JAKMIP2: variants seen among roughly 807,000 people sequenced by gnomAD.
The protein encoded by JAKMIP2 is janus kinase and microtubule interacting protein 2.
In JAKMIP2, 25 loss-of-function variants were observed where a neutral mutation model predicts 115.0. The observed-to-expected ratio is 0.22, with a 90% CI of 0.16 to 0.30. The LOEUF is 0.30. Ranked by LOEUF, JAKMIP2 falls within the 10% of genes least tolerant of loss-of-function variation. JAKMIP2 has a pLI of 1.00. For missense variants in JAKMIP2, 642 were observed against 957.6 expected, an observed-to-expected ratio of 0.67 and a Z score of 4.35; for synonymous variants, 334 against 343.6, an observed-to-expected ratio of 0.97 and a Z score of 0.31.
At chr5:147,624,002 T>C (rs1756983297) in intron 16 of JAKMIP2, among the ~76,000 whole-genome samples, 1 of 151,744 alleles carries the variant, frequency 6.6e-6, no homozygotes, top group Non-Finnish European at 1.5e-5. Flanking sequence ...GCCTGGCTAA[T>C]TTTTGTATTT....
intron 7 of JAKMIP2, among the ~76,000 whole-genome samples, chr5:147,642,761 G>A (rs1334268882): frequency 6.6e-6 from 1 of 151,636 alleles, no homozygotes; most frequent in Non-Finnish European, 1.5e-5. Flanking sequence ...GTGTCAATTT[G>A]ATTGGATTGA....
rs1340802691 is a variant in JAKMIP2, at chr5:147,660,782, A to T, written c.627+166T>A. On this transcript the variant is annotated intron_variant, in intron 3 of 21. Transcript: ENST00000616793. Reference sequence around the variant, plus strand: ...TTGGCCTGAGCATATCTCTCGATTGATCTACCTACCTACATACTGATCTAT... The same window carrying T: ...TTGGCCTGAGCATATCTCTCGATTGTTCTACCTACCTACATACTGATCTAT... The T allele has an allele frequency of 4.2e-6, 3 of 722,348 alleles. No individual in the cohort carries two copies. The Admixed American group carries it at 8.5e-5, about 21-fold the overall frequency. 44.7% of individuals were successfully genotyped at this position (722,348 alleles called of 1,614,324 possible). A position where few individuals can be genotyped will look rare whatever the true frequency, so the allele number is the denominator to read the frequency against.
intron 1 of JAKMIP2, among the ~76,000 whole-genome samples, chr5:147,702,439 T>TAGGAAGGA (rs377372312): frequency 7.0e-5 from 6 of 85,684 alleles, no homozygotes; most frequent in Non-Finnish European, 1.0e-4. Context: ...GGAAGGAAGG[T>TAGGAAGGA]AGGAAGGAAG....
In JAKMIP2 at chr5:147,759,541, C is replaced by T. The variant is rs78297553; in HGVS notation, c.-149+22915G>A. Among the ~76,000 whole-genome samples, 573 of 152,176 alleles carry T rather than the reference C, an allele frequency of 3.8e-3. 4 individuals carry two copies. The highest frequency in any genetic ancestry group is 0.013 in the African/African-American group (552 of 41,546). On this transcript the variant is annotated intron_variant, in intron 1 of 21. Coordinates refer to ENST00000616793, the MANE Select transcript of JAKMIP2 (RefSeq NM_001270941.2). ...AACAAACCAACAACTGAATAAAATACCAATCAATGATAAGTGTAATATAGG... is the reference window on the plus strand; with the variant it reads ...AACAAACCAACAACTGAATAAAATATCAATCAATGATAAGTGTAATATAGG...
Position 147,747,182 on chromosome 5 carries a change from A to G in JAKMIP2, c.-149+35274T>C, listed in dbSNP as rs73797168. 7.6e-3 allele frequency among the ~76,000 whole-genome samples: 1,153 copies of G among 152,250 alleles called. 15 individuals carry two copies. Among genetic ancestry groups the G allele is most frequent in the African/African-American group, 0.027 (1,111 of 41,546 alleles). ...TTAAACTTTGGCAGTGCCACGGTGC[A>G]ACCAGAGAAGGCTGACCAGTACTAA... is the stretch of plus-strand genomic sequence containing the variant. On this transcript the variant is annotated intron_variant, in intron 1 of 21. Transcript: ENST00000616793.
chr5:147,719,630 G>A (rs925695353), intron 1 of JAKMIP2, among the ~76,000 whole-genome samples: 18 of 151,848 alleles, frequency 1.2e-4, no homozygotes, highest in Non-Finnish European at 2.2e-4. Flanking sequence ...TTTGATCTTT[G>A]TTGGTTTAAA....
intron 16 of JAKMIP2, among the ~76,000 whole-genome samples, chr5:147,625,107 G>T (rs1757036221): frequency 6.6e-6 from 1 of 152,068 alleles, no homozygotes; most frequent in African/African-American, 2.4e-5. Context: ...AGCCTCCCAA[G>T]TAGCTGGGAT....
chr5:147,736,056 C>T (rs1580855165), intron 1 of JAKMIP2, among the ~76,000 whole-genome samples: 1 of 152,172 alleles, frequency 6.6e-6, no homozygotes, highest in East Asian at 1.9e-4. Flanking sequence ...CTCTTTCCTA[C>T]CCTTCATTTT....
intron 17 of JAKMIP2, 79 bp from the exon 18 acceptor site, chr5:147,620,822 C>T: frequency 9.8e-7 from 1 of 1,016,346 alleles, no homozygotes; most frequent in Non-Finnish European, 1.5e-6. Flanking sequence ...TTAATGTTTC[C>T]TCTAATTCTA....
intron 1 of JAKMIP2, among the ~76,000 whole-genome samples, chr5:147,697,961 G>C (rs992901453): frequency 2.0e-5 from 3 of 152,186 alleles, no homozygotes; most frequent in African/African-American, 7.2e-5. Context: ...CCAGACCCCA[G>C]AATGGTAGAG....
chr5:147,692,202 G>A (rs985774525), intron 1 of JAKMIP2, among the ~76,000 whole-genome samples: 2 of 152,194 alleles, frequency 1.3e-5, no homozygotes, highest in Non-Finnish European at 2.9e-5. Flanking sequence ...AGAATGTCAT[G>A]TAAAAATGAA....
chr5:147,743,999 TTTCC>T (rs542685199), intron 1 of JAKMIP2, among the ~76,000 whole-genome samples: 24,339 of 111,812 alleles, frequency 0.22, 2,929 homozygotes, highest in East Asian at 0.37. Flanking sequence ...TCCTAACTTC[TTTCC>T]TTCCTTCCTT....
chr5:147,586,721 T>C lies in JAKMIP2; in HGVS notation c.*4986A>G, dbSNP rs573693437. The C allele has an allele frequency of 6.6e-6, 1 of 151,870 alleles. No homozygotes were observed. Among genetic ancestry groups the C allele is most frequent in the African/African-American group, 2.4e-5 (1 of 41,464 alleles). 9.4% of individuals were successfully genotyped at this position (151,870 alleles called of 1,614,324 possible). On this transcript the variant is annotated 3_prime_UTR_variant, in exon 22 of 22. Coordinates refer to ENST00000616793, the MANE Select transcript of JAKMIP2 (RefSeq NM_001270941.2). ...TACATTGCCCCTATAAGTATATCTTTAGTAGTTTTTTTCCTCTCTCCCTCT... is the reference window on the plus strand; with the variant it reads ...TACATTGCCCCTATAAGTATATCTTCAGTAGTTTTTTTCCTCTCTCCCTCT...
At chr5:147,603,799 A>G (rs1259529760) in intron 20 of JAKMIP2, among the ~76,000 whole-genome samples, 1 of 152,232 alleles carries the variant, frequency 6.6e-6, no homozygotes, top group East Asian at 1.9e-4. Flanking sequence ...AGAATTGTGA[A>G]AAAGTTTACA....
At chr5:147,702,478 GGAAGA>G (rs1317415187) in intron 1 of JAKMIP2, among the ~76,000 whole-genome samples, 1 of 141,634 alleles carries the variant, frequency 7.1e-6, no homozygotes, top group Non-Finnish European at 1.5e-5. Flanking sequence ...AGGGAGGGAA[GGAAGA>G]GAAAAGAGGA....
intron 14 of JAKMIP2, among the ~76,000 whole-genome samples, chr5:147,629,983 C>T (rs1340705588): frequency 6.6e-6 from 1 of 152,114 alleles, no homozygotes; most frequent in African/African-American, 2.4e-5. Context: ...TAATAAATTC[C>T]TACTTCATAG....
At chr5:147,762,407 A>C (rs1754960547) in intron 1 of JAKMIP2, among the ~76,000 whole-genome samples, 1 of 152,172 alleles carries the variant, frequency 6.6e-6, no homozygotes, top group Non-Finnish European at 1.5e-5. Flanking sequence ...AATACCATCA[A>C]CCAGGTGGCT....
intron 21 of JAKMIP2, among the ~76,000 whole-genome samples, chr5:147,593,886 TTTTG>T (rs1346307524): frequency 6.6e-6 from 1 of 152,206 alleles, no homozygotes; most frequent in Non-Finnish European, 1.5e-5. Context: ...AGGGATGTAT[TTTTG>T]TTTGTGTGTT....
intron 1 of JAKMIP2, among the ~76,000 whole-genome samples, chr5:147,730,520 A>G (rs544468425): frequency 1.5e-3 from 232 of 151,576 alleles, no homozygotes; most frequent in Non-Finnish European, 2.4e-3. Flanking sequence ...CAGTGGTGCA[A>G]TCTTGGCTCA....
Sources: gnomAD v4.1 joint callset for allele counts (sites outside exome capture counted in the v4.1 genomes callset) on GRCh38, gnomAD v4.1.1 for gene constraint, MANE v1.5 for transcripts, NCBI Gene and HGNC (gene_info 2026-07-23, HGNC 2026-07-21) for gene names.